FRY: variants seen among roughly 807,000 people sequenced by gnomAD.
FRY encodes FRY microtubule binding protein.
A neutral mutation model predicts 348.4 loss-of-function variants in FRY; 128 were observed. The observed-to-expected ratio is 0.37, with a 90% CI of 0.32 to 0.43. The LOEUF (loss-of-function observed/expected upper bound fraction) is 0.43. FRY is among the 20% of genes least tolerant of loss of function. The probability of loss-of-function intolerance (pLI) is 1.00; values close to 1 mark genes in which losing one functional copy is unlikely to be tolerated. For missense variants in FRY, 2,736 were observed against 3,695.2 expected (o/e 0.74, Z 6.73); for synonymous variants, 1,370 against 1,374.7 (o/e 1.00, Z 0.08).
In FRY at chr13:32,231,400, C is replaced by T; in HGVS notation, c.5527+100C>T. On this transcript the variant is annotated intron_variant, in intron 41 of 60. Coordinates refer to ENST00000542859, the MANE Select transcript of FRY (RefSeq NM_023037.3). ...CAGCGCCTTAAAACGGTCCTGCACT[C>T]CACATCCATAGCACGAGCATATTCA... The T allele has an allele frequency of 2.6e-6, 3 of 1,149,684 alleles. No homozygotes were observed. In the South Asian group the frequency reaches 3.7e-5, roughly 14 times the overall value. 71.2% of individuals were successfully genotyped at this position (1,149,684 alleles called of 1,614,324 possible).
intron 55 of FRY, among the ~76,000 whole-genome samples, chr13:32,268,207 T>A (rs1287967103): frequency 6.6e-6 from 1 of 152,192 alleles, no homozygotes; most frequent in Admixed American, 6.5e-5. Flanking sequence ...CCTCTATGCA[T>A]CTTTCTGTAA....
intron 2 of FRY, among the ~76,000 whole-genome samples, chr13:32,091,582 C>T (rs937639637): frequency 6.6e-6 from 1 of 152,056 alleles, no homozygotes; most frequent in Non-Finnish European, 1.5e-5. Context: ...CTGAACAAAA[C>T]GCTTTGGTGC....
rs756563462 is a variant in FRY at position 32,247,318 on chromosome 13, T to C, written c.6829-5T>C. ...TTTAACCCTTGAATGTTTTATTTCC[T>C]GCAGAGTGTTCACTGGAGAGAAGCT... On this transcript the variant is annotated splice_polypyrimidine_tract_variant and splice_region_variant and intron_variant, in intron 47 of 60. Coordinates refer to ENST00000542859, the MANE Select transcript of FRY (RefSeq NM_023037.3). 7 of 1,610,038 alleles carry C rather than the reference T, an allele frequency of 4.3e-6. No individual in the cohort carries two copies. In the Admixed American group the frequency reaches 8.3e-5, roughly 19 times the overall value.
At chr13:32,201,856 G>T (rs1354797153) in intron 29 of FRY, 85 bp from the exon 30 acceptor site, 1 of 826,596 alleles carries the variant, frequency 1.2e-6, no homozygotes, top group Non-Finnish European at 2.1e-6. Context: ...AGGTCAGCAT[G>T]CCAGCTAGAA....
chr13:32,155,148 G>A (rs1881034233), intron 14 of FRY, among the ~76,000 whole-genome samples: 1 of 152,116 alleles, frequency 6.6e-6, no homozygotes, highest in African/African-American at 2.4e-5. Context: ...AGACGTATGA[G>A]CCCTTGTTTA....
chr13:32,122,177 C>T (rs989856508), intron 4 of FRY, among the ~76,000 whole-genome samples: 1 of 152,202 alleles, frequency 6.6e-6, no homozygotes, highest in Non-Finnish European at 1.5e-5. Flanking sequence ...GGCGCAGTGG[C>T]TCACACCTGT....
chr13:32,209,504 C>T, intron 32 of FRY, 81 bp from the exon 33 acceptor site: 1 of 1,369,082 alleles, frequency 7.3e-7, no homozygotes, highest in South Asian at 1.2e-5. Flanking sequence ...CGGTCATGAC[C>T]CTCAAAACTA....
rs191970160 is a variant in FRY at position 32,102,081 on chromosome 13, G to T, written c.324+65G>T. 77 of 895,278 alleles carry T rather than the reference G, an allele frequency of 8.6e-5. No individual in the cohort carries two copies. The African/African-American group carries it at 1.1e-3, about 13-fold the overall frequency. 55.5% of individuals were successfully genotyped at this position (895,278 alleles called of 1,614,324 possible). On this transcript the variant is annotated intron_variant, in intron 3 of 60. Transcript: ENST00000542859. The stretch of plus-strand genomic sequence containing the variant: ...TCAGCATTCACGCAAGGCAAGGTCT[G>T]CATGCTCACTATTGTTGTATGGATG...
At chr13:32,264,400 AT>A (rs1356947332) in intron 53 of FRY, among the ~76,000 whole-genome samples, 1 of 151,946 alleles carries the variant, frequency 6.6e-6, no homozygotes, top group East Asian at 1.9e-4. Flanking sequence ...TAATATATAT[AT>A]TTTATATATA....
At chr13:32,146,549 T>C (rs1266256846) in intron 11 of FRY, among the ~76,000 whole-genome samples, 1 of 152,134 alleles carries the variant, frequency 6.6e-6, no homozygotes, top group Admixed American at 6.5e-5. Flanking sequence ...TTGGCCAGGC[T>C]GGTATTGAAC....
At chr13:32,044,368 G>T (rs937228480) in intron 1 of FRY, among the ~76,000 whole-genome samples, 3 of 152,154 alleles carry the variant, frequency 2.0e-5, no homozygotes, top group Admixed American at 2.0e-4. Context: ...CCTAAGCTAG[G>T]TATCGCAATG....
At position 32,296,574 on chromosome 13, in the gene FRY, T is replaced by C. The variant is rs186462727; in HGVS notation, c.*1114T>C. 6.6e-5 allele frequency: 10 copies of C among 150,966 alleles called. No homozygotes were observed. Among genetic ancestry groups the C allele is most frequent in the African/African-American group, 2.2e-4 (9 of 40,948 alleles). 9.4% of individuals were successfully genotyped at this position (150,966 alleles called of 1,614,324 possible). A position where few individuals can be genotyped will look rare whatever the true frequency, so the allele number is the denominator to read the frequency against. ...AAATACATTTAAAGTTTTTGTGATG[T>C]AAGCTTAATTGATATTCTGTTCAGA... is the stretch of plus-strand genomic sequence containing the variant. On this transcript the variant is annotated 3_prime_UTR_variant, in exon 61 of 61. Coordinates refer to ENST00000542859, the MANE Select transcript of FRY (RefSeq NM_023037.3).
At chr13:32,068,454 G>T (rs1874396526) in intron 1 of FRY, among the ~76,000 whole-genome samples, 1 of 152,194 alleles carries the variant, frequency 6.6e-6, no homozygotes, top group South Asian at 2.1e-4. Context: ...TTTGCGCACG[G>T]ATCTTGGCAG....
intron 1 of FRY, among the ~76,000 whole-genome samples, chr13:32,052,209 C>G (rs1873368871): frequency 6.6e-6 from 1 of 152,158 alleles, no homozygotes; most frequent in Admixed American, 6.5e-5. Flanking sequence ...TCTCACCTGG[C>G]CTGATACTTT....
chr13:32,267,469 T>C (rs189586049), intron 55 of FRY, 110 bp downstream of exon 55: 5 of 923,112 alleles, frequency 5.4e-6, no homozygotes, highest in East Asian at 5.0e-5. Flanking sequence ...TACTGTATTT[T>C]CTCCTCCAGA....
chr13:32,093,883 A>C (rs1876503326), intron 2 of FRY, among the ~76,000 whole-genome samples: 1 of 152,248 alleles, frequency 6.6e-6, no homozygotes, highest in Admixed American at 6.5e-5. Context: ...TCAATTCATG[A>C]AACTTCAGTA....
chr13:32,220,426 T>TA (rs1190104787), intron 36 of FRY, among the ~76,000 whole-genome samples: 1 of 152,214 alleles, frequency 6.6e-6, no homozygotes, highest in Non-Finnish European at 1.5e-5. Context: ...CAATAGGAAG[T>TA]AAAATAAAGC....
intron 31 of FRY, 93 bp from the exon 32 acceptor site, chr13:32,208,760 G>A (rs1884504298): frequency 1.4e-6 from 2 of 1,437,326 alleles, no homozygotes; most frequent in Admixed American, 1.7e-5. Flanking sequence ...GTAAACGTAG[G>A]ACACTGTTCA....
At chr13:32,061,271 G>C (rs1873931619) in intron 1 of FRY, 2 of 462,364 alleles carry the variant, frequency 4.3e-6, no homozygotes, top group Middle Eastern at 3.4e-4. Context: ...GGAGGTAGCA[G>C]TTGCATCTGC....
Sources: gnomAD v4.1 joint callset for allele counts (sites outside exome capture counted in the v4.1 genomes callset) on GRCh38, gnomAD v4.1.1 for gene constraint, MANE v1.5 for transcripts, NCBI Gene and HGNC (gene_info 2026-07-23, HGNC 2026-07-21) for gene names.